MEF2C: variants seen among roughly 807,000 people sequenced by gnomAD.
MEF2C encodes myocyte-specific enhancer factor 2C.
In MEF2C, 6 loss-of-function variants were observed where a neutral mutation model predicts 50.5. The ratio of observed to expected loss-of-function variants is 0.12; its 90% CI spans 0.07 to 0.23. MEF2C has a LOEUF of 0.23. Ranked by LOEUF, MEF2C falls within the 10% of genes least tolerant of loss-of-function variation. The pLI is 1.00. For missense variants in MEF2C, 276 were observed against 605.0 expected (o/e 0.46, Z 5.70); for synonymous variants, 183 against 228.0 (o/e 0.80, Z 1.78).
intron 10 of MEF2C, among the ~76,000 whole-genome samples, chr5:88,725,853 G>A (rs181589364): frequency 2.0e-5 from 3 of 152,178 alleles, no homozygotes; most frequent in African/African-American, 4.8e-5. Flanking sequence ...CAAAGTTGAC[G>A]TATGGAAATG....
At chr5:88,744,329 G>A (rs965244229) in intron 6 of MEF2C, among the ~76,000 whole-genome samples, 10 of 152,308 alleles carry the variant, frequency 6.6e-5, no homozygotes, top group African/African-American at 1.7e-4. Flanking sequence ...CGAGGTGGGC[G>A]GATTGCCTGA....
chr5:88,800,317 C>T lies in MEF2C; in HGVS notation c.258+4281G>A, dbSNP rs1385386838. The stretch of plus-strand genomic sequence containing the variant: ...GAGTTCTGTTGAATTGTTTAGCCTA[C>T]ACCTTCATTTCAGCAGCTTATACTG... On this transcript the variant is annotated intron_variant, in intron 3 of 10. Coordinates refer to ENST00000504921, the MANE Select transcript of MEF2C (RefSeq NM_002397.5). Among the ~76,000 whole-genome samples the T allele has an allele frequency of 3.3e-5, 5 of 152,358 alleles. No individual in the cohort carries two copies. The East Asian group carries it at 7.7e-4, about 23-fold the overall frequency.
intron 1 of MEF2C, among the ~76,000 whole-genome samples, chr5:88,864,139 G>GT (rs75251768): frequency 4.8e-4 from 26 of 54,280 alleles, no homozygotes; most frequent in East Asian, 1.7e-3. Flanking sequence ...CATGTTTTCT[G>GT]TTTTTTTTTT....
At chr5:88,733,597 T>A (rs566340174) in intron 6 of MEF2C, 2 of 985,388 alleles carry the variant, frequency 2.0e-6, no homozygotes, top group Non-Finnish European at 2.4e-6. Flanking sequence ...GAGATATTTA[T>A]GGGAACATCT....
intron 4 of MEF2C, among the ~76,000 whole-genome samples, chr5:88,758,186 TACA>T (rs1369778886): frequency 2.6e-5 from 4 of 152,200 alleles, no homozygotes; most frequent in East Asian, 3.9e-4. Context: ...TGATCCTACA[TACA>T]ACATTATTTC....
intron 3 of MEF2C, among the ~76,000 whole-genome samples, chr5:88,771,040 C>T (rs556120995): frequency 3.9e-5 from 6 of 152,298 alleles, no homozygotes; most frequent in East Asian, 1.9e-4. Flanking sequence ...TCCTACATGG[C>T]GGCAGGCAAG....
intron 1 of MEF2C, among the ~76,000 whole-genome samples, chr5:88,862,689 C>A (rs1825905873): frequency 6.6e-6 from 1 of 152,156 alleles, no homozygotes; most frequent in African/African-American, 2.4e-5. Flanking sequence ...TGTCCCATAT[C>A]CCTTGTCAAA....
At chr5:88,734,574 T>TTTTTTG (rs1763218691) in intron 6 of MEF2C, 2 of 886,582 alleles carry the variant, frequency 2.3e-6, no homozygotes, top group Non-Finnish European at 2.7e-6. Flanking sequence ...TGTTTTTTTT[T>TTTTTTG]TTTTTTTTTT....
At chr5:88,818,650 C>A (rs1411662178) in intron 2 of MEF2C, among the ~76,000 whole-genome samples, 2 of 151,972 alleles carry the variant, frequency 1.3e-5, no homozygotes, top group Non-Finnish European at 2.9e-5. Flanking sequence ...CCTGTGTGAT[C>A]TTTCCTTCTT....
At chr5:88,777,726 A>G (rs1785495762) in intron 3 of MEF2C, among the ~76,000 whole-genome samples, 1 of 151,994 alleles carries the variant, frequency 6.6e-6, no homozygotes, top group South Asian at 2.1e-4. Flanking sequence ...TTTTCCTACT[A>G]TTTTGCTATA....
chr5:88,771,819 A>G (rs192248539), intron 3 of MEF2C: 114 of 160,302 alleles, frequency 7.1e-4, no homozygotes, highest in Admixed American at 2.0e-3. Flanking sequence ...GGTTAAAGCA[A>G]TATCTGGAAT....
chr5:88,729,932 G>A (rs1163537267), intron 8 of MEF2C, among the ~76,000 whole-genome samples: 2 of 151,796 alleles, frequency 1.3e-5, no homozygotes, highest in African/African-American at 4.8e-5. Context: ...ATTCCCAGAA[G>A]AAGAAATATT....
chr5:88,746,748 G>C, intron 6 of MEF2C: 1 of 959,206 alleles, frequency 1.0e-6, no homozygotes, highest in Non-Finnish European at 1.2e-6. Context: ...GAGAAAGAAG[G>C]GGAAGATGGC....
chr5:88,872,952 T>C (rs985052091), intron 1 of MEF2C, among the ~76,000 whole-genome samples: 2 of 152,024 alleles, frequency 1.3e-5, no homozygotes, highest in Non-Finnish European at 1.5e-5. Flanking sequence ...AAACTCTTTA[T>C]GCTTGTTTAA....
intron 10 of MEF2C, among the ~76,000 whole-genome samples, chr5:88,726,464 C>A (rs375931251): frequency 7.2e-5 from 11 of 152,058 alleles, no homozygotes; most frequent in Admixed American, 4.6e-4. Context: ...TGTGAAGGAA[C>A]CTCCTTTCAA....
chr5:88,807,365 A>G (rs553909673), intron 2 of MEF2C, among the ~76,000 whole-genome samples: 1 of 152,232 alleles, frequency 6.6e-6, no homozygotes, highest in African/African-American at 2.4e-5. Flanking sequence ...CTGGTACTAC[A>G]GGCGTGCACC....
At chr5:88,794,693 G>A (rs1018597351) in intron 3 of MEF2C, among the ~76,000 whole-genome samples, 1 of 152,162 alleles carries the variant, frequency 6.6e-6, no homozygotes, top group African/African-American at 2.4e-5. Context: ...TGCTTTTGGT[G>A]TTTTAGTCAT....
At chr5:88,793,869 C>A (rs1794898350) in intron 3 of MEF2C, among the ~76,000 whole-genome samples, 4 of 152,062 alleles carry the variant, frequency 2.6e-5, no homozygotes, top group African/African-American at 9.7e-5. Flanking sequence ...TGTTCAACTC[C>A]CACTTATGAG....
chr5:88,736,500 CA>C (rs767883581), intron 6 of MEF2C: 81 of 3,418 alleles, frequency 0.024, 1 homozygote, highest in South Asian at 0.044. Flanking sequence ...GACTCCGTCT[CA>C]AAAAAAAAAA....
Sources: allele counts gnomAD v4.1 joint callset (sites outside exome capture counted in the v4.1 genomes callset), GRCh38; gene constraint gnomAD v4.1.1; transcripts MANE v1.5; gene names NCBI Gene and HGNC (gene_info 2026-07-23, HGNC 2026-07-21).